The following CELF2 variants were observed in gnomAD, a reference collection of about 807,000 sequenced individuals.
CELF2 encodes CUG triplet repeat RNA-binding protein 2.
In CELF2, 8 loss-of-function variants were observed where a neutral mutation model predicts 62.6. That is an observed-to-expected ratio of 0.13 (90% confidence interval 0.07 to 0.23). The LOEUF is 0.23. Among genes scored for constraint, CELF2 ranks in the 10% least tolerant of loss-of-function variants. The pLI, the probability that CELF2 is intolerant of heterozygous loss-of-function variation, is 1.00. For synonymous variants in CELF2, 258 were observed against 250.0 expected (o/e 1.03, Z -0.30); for missense variants, 333 against 671.0 (o/e 0.50, Z 5.56).
chr10:10,797,968 A>G (rs189004485), upstream of CELF2, among the ~76,000 whole-genome samples: 4 of 152,134 alleles, frequency 2.6e-5, no homozygotes, highest in African/African-American at 7.2e-5. Flanking sequence ...TTTTCAGTAA[A>G]TGACAAGATA....
intron 2 of CELF2, among the ~76,000 whole-genome samples, chr10:10,956,461 G>A (rs966479713): frequency 6.6e-6 from 1 of 152,204 alleles, no homozygotes; most frequent in Non-Finnish European, 1.5e-5. Context: ...TTTGGAAGCA[G>A]CCCAGACTTG....
intron 2 of CELF2, among the ~76,000 whole-genome samples, chr10:11,203,007 G>A (rs994824486): frequency 2.7e-5 from 4 of 147,362 alleles, no homozygotes; most frequent in African/African-American, 1.0e-4. Context: ...AGTCCAAAGG[G>A]CTAAAAAGAC....
At chr10:11,312,352 T>C (rs1052686810) in intron 9 of CELF2, among the ~76,000 whole-genome samples, 5 of 152,162 alleles carry the variant, frequency 3.3e-5, no homozygotes, top group African/African-American at 1.2e-4. Flanking sequence ...GGTAAATATG[T>C]GGGCAAATCA....
At chr10:11,292,117 A>C (rs2092605150) in intron 9 of CELF2, among the ~76,000 whole-genome samples, 1 of 151,950 alleles carries the variant, frequency 6.6e-6, no homozygotes, top group South Asian at 2.1e-4. Context: ...TTTCATTCCC[A>C]CCATTGACCC....
chr10:10,530,249 C>A, the CELF2 span, among the ~76,000 whole-genome samples: 1 of 152,060 alleles, frequency 6.6e-6, no homozygotes, highest in Non-Finnish European at 1.5e-5. Context: ...ACCCTAGGTA[C>A]GATGCTTGTT....
rs973593072 is a variant in CELF2 at position 11,335,793 on chromosome 10, A to G, written c.*6740A>G. On this transcript the variant is annotated 3_prime_UTR_variant, in exon 13 of 13. Coordinates refer to ENST00000633077, the MANE Select transcript of CELF2 (RefSeq NM_001326342.2). The surrounding 1 kb of genome is among the most constrained non-coding windows in gnomAD (Gnocchi z 5.0). ...GTGCAAGTGTTTATTTTTCAAATCT[A>G]TAAGTACATAGTTCCACCATTTTGG... 9.2e-5 allele frequency: 14 copies of G among 152,198 alleles called. No individual in the cohort carries two copies. The highest frequency in any genetic ancestry group is 2.9e-4 in the African/African-American group (12 of 41,438). 9.4% of individuals were successfully genotyped at this position (152,198 alleles called of 1,614,324 possible).
chr10:11,162,687 T>C lies in CELF2; in HGVS notation c.75-2799T>C, dbSNP rs59069948. Among the ~76,000 whole-genome samples, 399 of 152,282 alleles carry C rather than the reference T, an allele frequency of 2.6e-3. 3 individuals carry two copies. Among genetic ancestry groups the C allele is most frequent in the African/African-American group, 9.4e-3 (391 of 41,544 alleles). ...TGACCAAAATACACATATTATTATT[T>C]AGGATAGGAATTGTGGTTGAGTCTA... On this transcript the variant is annotated intron_variant, in intron 1 of 12. Transcript: ENST00000633077.
At chr10:11,322,894 G>A (rs1053367558) in intron 11 of CELF2, among the ~76,000 whole-genome samples, 1 of 152,014 alleles carries the variant, frequency 6.6e-6, no homozygotes, top group African/African-American at 2.4e-5. Context: ...CCTTTTCTCT[G>A]TGGTCTGAGT....
At position 11,067,871 on chromosome 10, in the gene CELF2, T is replaced by A. The variant is rs531035489; in HGVS notation, c.74+49708T>A. ...CCCGTCTGTAAAGTGAAAATGGGAATATTCAGTTGGCAAGATTTTGAGAAT... is the reference window on the plus strand; with the variant it reads ...CCCGTCTGTAAAGTGAAAATGGGAAAATTCAGTTGGCAAGATTTTGAGAAT... On this transcript the variant is annotated intron_variant, in intron 1 of 12. Coordinates refer to ENST00000633077, the MANE Select transcript of CELF2 (RefSeq NM_001326342.2). 6.7e-4 allele frequency among the ~76,000 whole-genome samples: 102 copies of A among 152,346 alleles called. 1 individual carries two copies. Among genetic ancestry groups the A allele is most frequent in the African/African-American group, 2.3e-3 (95 of 41,580 alleles).
intron 3 of CELF2, among the ~76,000 whole-genome samples, chr10:11,248,877 T>A (rs2076351127): frequency 2.0e-5 from 3 of 152,190 alleles, no homozygotes; most frequent in African/African-American, 7.2e-5. Flanking sequence ...GCAGAAATCA[T>A]ATCGAGTGGC....
chr10:10,637,467 C>A, the CELF2 span, among the ~76,000 whole-genome samples: 1 of 152,292 alleles, frequency 6.6e-6, no homozygotes, highest in African/African-American at 2.4e-5. Flanking sequence ...TTCTGTCTTG[C>A]TCAGAGGCAG....
chr10:10,572,397 T>C, the CELF2 span, among the ~76,000 whole-genome samples: 2 of 152,106 alleles, frequency 1.3e-5, no homozygotes, highest in Admixed American at 1.3e-4. Flanking sequence ...GAGATGCAGT[T>C]TTGTTACATA....
the CELF2 span, among the ~76,000 whole-genome samples, chr10:10,530,947 C>T: frequency 6.6e-6 from 1 of 152,128 alleles, no homozygotes; most frequent in Admixed American, 6.5e-5. Context: ...GGTGACTGCT[C>T]GTAGTATTTA....
At chr10:10,651,220 A>G in the CELF2 span, among the ~76,000 whole-genome samples, 2 of 123,888 alleles carry the variant, frequency 1.6e-5, no homozygotes, top group African/African-American at 2.9e-5. Context: ...GGAGGGTCCT[A>G]TGCCCACAGA....
At chr10:11,108,313 A>G (rs1350013755) in intron 1 of CELF2, among the ~76,000 whole-genome samples, 1 of 149,876 alleles carries the variant, frequency 6.7e-6, no homozygotes, top group African/African-American at 2.5e-5. Flanking sequence ...TAGTTTTATA[A>G]TCTACATGAA....
rs1275697621 is a variant in CELF2, at chr10:11,315,983, T to C, written c.1096+1725T>C. ...GGGAATGGTTGTCCTCCTCAGCACG[T>C]GCTCATGACTGGTGTGTGTGTGTCC... On this transcript the variant is annotated intron_variant, in intron 10 of 12. Transcript: ENST00000633077. This position sits in a 1 kb window ranked among gnomAD's most constrained non-coding sequence, Gnocchi z 5.8. Among the ~76,000 whole-genome samples, 2 of 152,250 alleles carry C rather than the reference T, an allele frequency of 1.3e-5. No individual in the cohort carries two copies. Among genetic ancestry groups the C allele is most frequent in the Admixed American group, 6.5e-5 (1 of 15,290 alleles).
At chr10:11,264,597 G>A (rs2243438) in intron 5 of CELF2, among the ~76,000 whole-genome samples, 11,174 of 152,272 alleles carry the variant, frequency 0.073, 818 homozygotes, top group African/African-American at 0.19. Context: ...TGTTAATAAT[G>A]CCAGGGATGA....
rs1439446168 is a variant in CELF2 at position 11,304,133 on chromosome 10, C to T, written c.977-10006C>T. On this transcript the variant is annotated intron_variant, in intron 9 of 12. Transcript: ENST00000633077. ...GTAGATGAGGAACCCAGCAGACTCA[C>T]TGGGCTAGGGTCAAGGTGTCAGCAG... is the stretch of plus-strand genomic sequence containing the variant. 9.2e-5 allele frequency among the ~76,000 whole-genome samples: 14 copies of T among 152,306 alleles called. No individual in the cohort carries two copies. In the East Asian group the frequency reaches 2.7e-3, roughly 29 times the overall value.
chr10:10,614,624 G>A, the CELF2 span, among the ~76,000 whole-genome samples: 5 of 152,082 alleles, frequency 3.3e-5, no homozygotes, highest in African/African-American at 4.8e-5. Context: ...TTGCTTATTC[G>A]CAAATAAAAA....
Sources: allele counts gnomAD v4.1 joint callset (sites outside exome capture counted in the v4.1 genomes callset), GRCh38; gene constraint gnomAD v4.1.1; non-coding constraint Gnocchi (gnomAD v3.1); transcripts MANE v1.5; gene names NCBI Gene and HGNC (gene_info 2026-07-23, HGNC 2026-07-21).